The following NLGN1 variants were observed in gnomAD, a reference collection of about 807,000 sequenced individuals.
The protein encoded by NLGN1 is neuroligin-1.
Under a neutral mutation model 65.5 loss-of-function variants are expected in NLGN1, and 12 were observed. That is an observed-to-expected ratio of 0.18 (90% confidence interval 0.12 to 0.30). NLGN1 has a LOEUF of 0.30. NLGN1 is among the 10% of genes least tolerant of loss of function. The pLI, the probability that NLGN1 is intolerant of heterozygous loss-of-function variation, is 1.00. For synonymous variants in NLGN1, 350 were observed against 359.5 expected (o/e 0.97, Z 0.30); for missense variants, 750 against 1,007.1 (o/e 0.74, Z 3.46).
At chr3:173,786,024 A>G (rs1781897615) in intron 3 of NLGN1, among the ~76,000 whole-genome samples, 1 of 152,212 alleles carries the variant, frequency 6.6e-6, no homozygotes, top group Non-Finnish European at 1.5e-5. Flanking sequence ...AAAATGTGGT[A>G]CATAGACCTC....
chr3:173,563,380 A>G (rs1305964890), intron 2 of NLGN1, among the ~76,000 whole-genome samples: 1 of 152,234 alleles, frequency 6.6e-6, no homozygotes, highest in Non-Finnish European at 1.5e-5. Context: ...GAACAAACCA[A>G]TATATCTGTT....
At chr3:173,973,111 A>C (rs1716644209) in intron 4 of NLGN1, among the ~76,000 whole-genome samples, 1 of 152,154 alleles carries the variant, frequency 6.6e-6, no homozygotes, top group South Asian at 2.1e-4. Context: ...ACATACTCAT[A>C]GTATTCTTGT....
intron 2 of NLGN1, among the ~76,000 whole-genome samples, chr3:173,532,430 G>T (rs896251473): frequency 6.6e-6 from 1 of 151,814 alleles, no homozygotes; most frequent in Admixed American, 6.6e-5. Flanking sequence ...TTGCATTTTC[G>T]TATAGCCTAT....
intron 4 of NLGN1, among the ~76,000 whole-genome samples, chr3:173,876,079 A>C (rs759598426): frequency 1.3e-5 from 2 of 152,194 alleles, no homozygotes; most frequent in Non-Finnish European, 2.9e-5. Flanking sequence ...AGCAGTAGTG[A>C]TAAAGAGTTG....
At chr3:174,064,807 T>C (rs1738154980) in intron 4 of NLGN1, among the ~76,000 whole-genome samples, 1 of 150,246 alleles carries the variant, frequency 6.7e-6, no homozygotes, top group Non-Finnish European at 1.5e-5. Context: ...ATATTCAGAG[T>C]AAAAAAAGAA....
At chr3:174,262,635 G>T (rs1032666167) in intron 4 of NLGN1, among the ~76,000 whole-genome samples, 10 of 151,934 alleles carry the variant, frequency 6.6e-5, no homozygotes, top group African/African-American at 2.4e-4. Flanking sequence ...TCAAAAACCA[G>T]CTCCTGGATT....
rs1341669177 is a variant in NLGN1 at position 173,539,754 on chromosome 3, CAT to C, written c.-320-64521_-320-64520del. Among the ~76,000 whole-genome samples, 97 of 77,980 alleles carry C rather than the reference CAT, an allele frequency of 1.2e-3. No individual in the cohort carries two copies. The East Asian group carries it at 0.025, about 20-fold the overall frequency. The allele number at this position is 77,980 out of a possible 152,430, so 51.2% of individuals were successfully genotyped here. On this transcript the variant is annotated intron_variant, in intron 2 of 6. Coordinates refer to ENST00000457714, the Ensembl canonical transcript of NLGN1. ...TATATACATATATGTACATATATAACATATACATGTACATATATAACACATAT... is the reference window on the plus strand; with the variant it reads ...TATATACATATATGTACATATATAACATACATGTACATATATAACACATAT...
chr3:173,568,224 CTTTCCTTTTCCT>C (rs201639073), intron 2 of NLGN1, among the ~76,000 whole-genome samples: 13 of 140,560 alleles, frequency 9.2e-5, no homozygotes, highest in South Asian at 4.5e-4. Flanking sequence ...TTTTCCTTTC[CTTTCCTTTTCCT>C]TTTCCTTTTC....
chr3:173,885,143 T>G (rs564542736), intron 4 of NLGN1, among the ~76,000 whole-genome samples: 2 of 152,314 alleles, frequency 1.3e-5, no homozygotes, highest in East Asian at 3.9e-4. Context: ...GAAATTTCAC[T>G]ATCTCCATAG....
chr3:173,576,827 C>T (rs1231099598), intron 2 of NLGN1, among the ~76,000 whole-genome samples: 4 of 151,972 alleles, frequency 2.6e-5, no homozygotes, highest in South Asian at 2.1e-4. Flanking sequence ...TTCCAATTAC[C>T]GTATTAAGTA....
At chr3:173,830,417 C>T (rs1722299355) in intron 4 of NLGN1, among the ~76,000 whole-genome samples, 1 of 152,136 alleles carries the variant, frequency 6.6e-6, no homozygotes. Context: ...CACTGCAGTG[C>T]ACAACAGGCA....
intron 4 of NLGN1, among the ~76,000 whole-genome samples, chr3:173,816,875 A>G (rs544263827): frequency 1.2e-4 from 18 of 152,350 alleles, no homozygotes; most frequent in African/African-American, 3.6e-4. Flanking sequence ...ATGTTCATCC[A>G]ATCTAACAAG....
At chr3:173,469,664 A>G (rs1235655173) in intron 2 of NLGN1, among the ~76,000 whole-genome samples, 4 of 151,914 alleles carry the variant, frequency 2.6e-5, no homozygotes, top group African/African-American at 9.7e-5. Flanking sequence ...TGCATTCACA[A>G]TGGTGTGTAA....
Position 174,072,630 on chromosome 3 carries a change from T to C in NLGN1, c.647-202685T>C, listed in dbSNP as rs141944778. 3.9e-5 allele frequency among the ~76,000 whole-genome samples: 6 copies of C among 152,240 alleles called. No individual in the cohort carries two copies. The East Asian group carries it at 1.2e-3, about 30-fold the overall frequency. ...GAGGGCAGCCACGTCTGTAAAGCTG[T>C]CTAACTGCTTCCCACAAAGCTTGCA... On this transcript the variant is annotated intron_variant, in intron 4 of 6. Coordinates refer to ENST00000457714, the Ensembl canonical transcript of NLGN1.
intron 3 of NLGN1, 38 bp downstream of exon 2, chr3:173,605,129 T>C: frequency 6.7e-7 from 1 of 1,500,446 alleles, no homozygotes; most frequent in South Asian, 1.3e-5. Context: ...GATATATTTA[T>C]ATATTTTTTC....
chr3:173,661,564 C>G (rs1286589773), intron 3 of NLGN1, among the ~76,000 whole-genome samples: 6 of 151,936 alleles, frequency 3.9e-5, no homozygotes. Context: ...CTGAGTTTAC[C>G]TTCCACCATT....
intron 2 of NLGN1, among the ~76,000 whole-genome samples, chr3:173,449,322 G>A (rs574175096): frequency 6.6e-6 from 1 of 151,722 alleles, no homozygotes; most frequent in African/African-American, 2.4e-5. Flanking sequence ...CATTATGTAC[G>A]CAGTAGTCAT....
chr3:173,557,474 A>T (rs1218270561), intron 2 of NLGN1, among the ~76,000 whole-genome samples: 1 of 151,966 alleles, frequency 6.6e-6, no homozygotes, highest in Non-Finnish European at 1.5e-5. Flanking sequence ...GTTGAAGTCT[A>T]CTTTCTTTTA....
At chr3:174,162,374 A>G (rs1007183027) in intron 4 of NLGN1, among the ~76,000 whole-genome samples, 2 of 151,880 alleles carry the variant, frequency 1.3e-5, no homozygotes, top group Non-Finnish European at 2.9e-5. Context: ...TAATCCAGTT[A>G]TGGATTGAGT....
Sources: allele counts gnomAD v4.1 joint callset (sites outside exome capture counted in the v4.1 genomes callset), GRCh38; gene constraint gnomAD v4.1.1; transcripts MANE v1.5; gene names NCBI Gene and HGNC (gene_info 2026-07-23, HGNC 2026-07-21).